The following HIVEP3 variants were observed in gnomAD, a reference collection of about 807,000 sequenced individuals.
The protein encoded by HIVEP3 is transcription factor HIVEP3.
HIVEP3 carries 49 observed loss-of-function variants against 152.8 expected under a neutral mutation model. The observed-to-expected ratio is 0.32, with a 90% CI of 0.26 to 0.41. The LOEUF is 0.41. HIVEP3 is among the 10% of genes least tolerant of loss of function. The probability of loss-of-function intolerance (pLI) is 1.00; values close to 1 mark genes in which losing one functional copy is unlikely to be tolerated. For synonymous variants in HIVEP3, 1,269 were observed against 1,289.0 expected, an observed-to-expected ratio of 0.98 and a Z score of 0.33; for missense variants, 2,790 against 3,103.3, an observed-to-expected ratio of 0.90 and a Z score of 2.40.
chr1:41,973,410 C>T (rs183010327), intron 1 of HIVEP3, among the ~76,000 whole-genome samples: 273 of 152,318 alleles, frequency 1.8e-3, no homozygotes, highest in Non-Finnish European at 3.1e-3. Flanking sequence ...GATCTGCTTC[C>T]AAGACCATTC....
intron 5 of HIVEP3, among the ~76,000 whole-genome samples, chr1:41,539,137 G>A (rs1170195149): frequency 6.6e-6 from 1 of 152,226 alleles, no homozygotes; most frequent in Non-Finnish European, 1.5e-5. Context: ...ATGCAGAGAA[G>A]CCTGCTGCAT....
In HIVEP3 at chr1:41,510,827, C is replaced by T; in HGVS notation, c.6845G>A (p.Gly2282Asp). Residue 2282 changes from glycine (G) to aspartate (D), a missense_variant, in exon 9 of 9, where the codon GGC becomes GAC. Physicochemically the swap from Gly to Asp is moderately conservative, Grantham distance 94 (BLOSUM62 -1). This residue lies in a region of HIVEP3 where 816 missense variants were observed against 806.5 expected (regional missense o/e 1.01). Transcript: ENST00000372583. ...GTCAGGAGGCCTGCCCGGGCCTCCG[C>T]CGGTCCTCTCCCTCTCCTTGGGGTA... ...GDYPKERERT[G>D]GGPGRPPDWT... The T allele has an allele frequency of 6.2e-7, 1 of 1,612,932 alleles. No homozygotes were observed. The highest frequency in any genetic ancestry group is 8.5e-7 in the Non-Finnish European group (1 of 1,179,802).
At chr1:41,610,740 G>A (rs573750886) in intron 3 of HIVEP3, among the ~76,000 whole-genome samples, 39 of 152,300 alleles carry the variant, frequency 2.6e-4, no homozygotes, top group African/African-American at 8.9e-4. Flanking sequence ...AATTCCGAGC[G>A]CAATTTCTTG....
At chr1:41,545,293 TC>T (rs1643731561) in intron 5 of HIVEP3, among the ~76,000 whole-genome samples, 1 of 40,462 alleles carries the variant, frequency 2.5e-5, no homozygotes, top group Non-Finnish European at 5.4e-5. Flanking sequence ...ACCACCACCA[TC>T]ACCACCTCTA....
chr1:41,528,026 A>C, intron 5 of HIVEP3, among the ~76,000 whole-genome samples: 2 of 96,802 alleles, frequency 2.1e-5, no homozygotes, highest in African/African-American at 4.5e-5. Context: ...CCTCACACTC[A>C]CCTTCACATT....
chr1:42,012,567 G>T (rs972217468), intron 1 of HIVEP3, among the ~76,000 whole-genome samples: 2 of 152,168 alleles, frequency 1.3e-5, no homozygotes, highest in African/African-American at 4.8e-5. Flanking sequence ...GCAGGCACCT[G>T]TAATCTCAGC....
At chr1:41,844,010 T>C (rs1643365129) in intron 1 of HIVEP3, among the ~76,000 whole-genome samples, 1 of 152,108 alleles carries the variant, frequency 6.6e-6, no homozygotes, top group East Asian at 1.9e-4. Context: ...TTCACAGTGA[T>C]TTTGCTCCAC....
At chr1:41,807,832 A>C (rs1419685952) in intron 1 of HIVEP3, among the ~76,000 whole-genome samples, 1 of 152,168 alleles carries the variant, frequency 6.6e-6, no homozygotes, top group African/African-American at 2.4e-5. Context: ...ATAGGTCAGG[A>C]AGTCAAGGGG....
In HIVEP3 at chr1:41,582,931, G is replaced by T; in HGVS notation, c.1867C>A (p.Pro623Thr). The T allele has an allele frequency of 6.2e-7, 1 of 1,614,024 alleles. No homozygotes were observed. The highest frequency in any genetic ancestry group is 8.5e-7 in the Non-Finnish European group (1 of 1,180,014). Residue 623 changes from proline to threonine, a missense_variant, in exon 4 of 9, where the codon CCC (proline) becomes ACC (threonine). Around this residue, in one of 9 missense-constraint regions of HIVEP3, gnomAD observed 339 missense variants for 327.0 expected, o/e 1.04. Coordinates refer to ENST00000372583, the MANE Select transcript of HIVEP3 (RefSeq NM_024503.5). This position sits in a 1 kb window ranked among gnomAD's most constrained non-coding sequence, Gnocchi z 4.7. ...TTTTTGGTAAGCTCGCTTTCCTTGG[G>T]TTCCACTTCGTCCGAGGGCTTGGAG... Reference protein sequence around the residue: ...TASKPSDEVEPKESELTKKTK... With the variant: ...TASKPSDEVETKESELTKKTK...
At chr1:41,999,986 T>C (rs1645417780) in intron 1 of HIVEP3, among the ~76,000 whole-genome samples, 1 of 152,208 alleles carries the variant, frequency 6.6e-6, no homozygotes, top group Non-Finnish European at 1.5e-5. Flanking sequence ...AGGAATCTTT[T>C]AATCACAGTT....
At chr1:41,905,958 T>C (rs1172144386) in intron 1 of HIVEP3, among the ~76,000 whole-genome samples, 4 of 152,110 alleles carry the variant, frequency 2.6e-5, no homozygotes, top group Non-Finnish European at 5.9e-5. Flanking sequence ...GGCAGCTTCA[T>C]TTACAATAGC....
At chr1:41,540,009 C>T (rs1643489207) in intron 5 of HIVEP3, among the ~76,000 whole-genome samples, 1 of 152,214 alleles carries the variant, frequency 6.6e-6, no homozygotes, top group South Asian at 2.1e-4. Flanking sequence ...AGAAAAGCCT[C>T]AGTGCCCGGC....
chr1:41,716,966 C>T (rs539713004), intron 1 of HIVEP3, among the ~76,000 whole-genome samples: 3 of 152,360 alleles, frequency 2.0e-5, no homozygotes, highest in Admixed American at 1.3e-4. Context: ...TTGTGGAAGA[C>T]GAGTATGTTT....
intron 5 of HIVEP3, among the ~76,000 whole-genome samples, chr1:41,526,414 TCAC>T (rs1275681756): frequency 3.2e-5 from 2 of 62,042 alleles, no homozygotes; most frequent in African/African-American, 1.3e-4. Flanking sequence ...ACCCCCACAC[TCAC>T]CCTCACACTC....
intron 2 of HIVEP3, among the ~76,000 whole-genome samples, chr1:41,663,005 G>A (rs1313617128): frequency 6.6e-6 from 1 of 152,198 alleles, no homozygotes; most frequent in Non-Finnish European, 1.5e-5. Context: ...GGTGGGGGCG[G>A]GGGACACCCC....
At position 41,582,922 on chromosome 1, in the gene HIVEP3, T is replaced by A; in HGVS notation, c.1876A>T (p.Ser626Cys). The A allele has an allele frequency of 6.2e-7, 1 of 1,614,160 alleles. No individual in the cohort carries two copies. The stretch of plus-strand genomic sequence containing the variant: ...TTCTTGGTCTTTTTGGTAAGCTCGC[T>A]TTCCTTGGGTTCCACTTCGTCCGAG... ...KPSDEVEPKE[S>C]ELTKKTKKGL... Residue 626 changes from serine to cysteine, a missense_variant, in exon 4 of 9, where the codon AGC becomes TGC. Ser to Cys is a moderately radical substitution (Grantham distance 112). This residue lies in a region of HIVEP3 where 339 missense variants were observed against 327.0 expected (regional missense o/e 1.04). Transcript: ENST00000372583. This position sits in a 1 kb window ranked among gnomAD's most constrained non-coding sequence, Gnocchi z 4.7.
intron 2 of HIVEP3, among the ~76,000 whole-genome samples, chr1:41,647,818 G>T (rs551059348): frequency 6.6e-6 from 1 of 152,224 alleles, no homozygotes; most frequent in African/African-American, 2.4e-5. Context: ...ACTGGGATCC[G>T]CAGAACACTC....
upstream of HIVEP3, among the ~76,000 whole-genome samples, chr1:41,920,671 C>T (rs1415348980): frequency 6.6e-6 from 1 of 151,174 alleles, no homozygotes; most frequent in Non-Finnish European, 1.5e-5. Context: ...AAGGTATAAT[C>T]ATGTCACAGG....
intron 5 of HIVEP3, among the ~76,000 whole-genome samples, chr1:41,557,722 T>C (rs1184997542): frequency 6.6e-6 from 1 of 152,124 alleles, no homozygotes; most frequent in Non-Finnish European, 1.5e-5. Flanking sequence ...TTCTCCCATC[T>C]ATTACAGAGG....
Sources: allele counts gnomAD v4.1 joint callset (sites outside exome capture counted in the v4.1 genomes callset), GRCh38; gene constraint gnomAD v4.1.1; regional missense constraint gnomAD v4.1.1; non-coding constraint Gnocchi (gnomAD v3.1); transcripts MANE v1.5; gene names NCBI Gene and HGNC (gene_info 2026-07-23, HGNC 2026-07-21).